The following GRIK4 variants were observed in gnomAD, a reference collection of about 807,000 sequenced individuals.
GRIK4 encodes the protein glutamate ionotropic receptor kainate type subunit 4.
A neutral mutation model predicts 104.9 loss-of-function variants in GRIK4; 40 were observed. That is an observed-to-expected ratio of 0.38 (90% CI 0.30 to 0.50). The LOEUF is 0.50. GRIK4 is among the 20% of genes least tolerant of loss of function. The pLI, the probability that GRIK4 is intolerant of heterozygous loss-of-function variation, is 0.93. For missense variants in GRIK4, 1,047 were observed against 1,308.1 expected (o/e 0.80, Z 3.08); for synonymous variants, 485 against 524.9 (o/e 0.92, Z 1.04).
Position 120,819,734 on chromosome 11 carries a change from C to G in GRIK4, c.346-21C>G, listed in dbSNP as rs1437388008. 6.2e-7 allele frequency: 1 copy of G among 1,613,034 alleles called. No homozygotes were observed. Among genetic ancestry groups the G allele is most frequent in the Admixed American group, 1.7e-5 (1 of 60,020 alleles). ...ACCCACCTGGATCCTCCCTGCTGTC[C>G]GTTTTTGCTCCTCTTGCCAGGTCCC... On this transcript the variant is annotated intron_variant, in intron 5 of 20. Coordinates refer to ENST00000527524, the MANE Select transcript of GRIK4 (RefSeq NM_014619.5). This position sits in a 1 kb window ranked among gnomAD's most constrained non-coding sequence, Gnocchi z 4.3.
chr11:120,574,851 C>T (rs1396065070), intron 1 of GRIK4, among the ~76,000 whole-genome samples: 1 of 152,144 alleles, frequency 6.6e-6, no homozygotes, highest in Non-Finnish European at 1.5e-5. Context: ...ACCCAGGCAT[C>T]TCTGTTTAAT....
At chr11:120,703,780 G>A (rs911761029) in intron 3 of GRIK4, among the ~76,000 whole-genome samples, 3 of 152,126 alleles carry the variant, frequency 2.0e-5, no homozygotes, top group African/African-American at 4.8e-5. Context: ...TTGTGTCTGT[G>A]TGCTGCTTTC....
At position 120,986,097 on chromosome 11, in the gene GRIK4, A is replaced by C; in HGVS notation, c.2708A>C (p.Gln903Pro). The change falls in exon 21 of 21, where the codon CAG (glutamine) becomes CCG (proline). Residue 903 changes from glutamine (Q) to proline (P), a missense_variant. By Grantham distance (76) the Gln-to-Pro change is moderately conservative (BLOSUM62 -1). Around this residue, in one of 3 missense-constraint regions of GRIK4, gnomAD observed 160 missense variants for 140.9 expected, o/e 1.14. Coordinates refer to ENST00000527524, the MANE Select transcript of GRIK4 (RefSeq NM_014619.5). ...GCAGGGGAGCCCGACCAGCTCGCGC[A>C]GAGACTGGCGCAGGAGGCCGCCCTG... ...CGAGEPDQLA[Q>P]RLAQEAALVA... The C allele has an allele frequency of 6.6e-7, 1 of 1,512,910 alleles. No homozygotes were observed. The highest frequency in any genetic ancestry group is 8.8e-7 in the Non-Finnish European group (1 of 1,137,448). 93.7% of individuals were successfully genotyped at this position (1,512,910 alleles called of 1,614,324 possible). A position where few individuals can be genotyped will look rare whatever the true frequency, so the allele number is the denominator to read the frequency against.
At chr11:120,651,840 C>T (rs1283314894) in intron 1 of GRIK4, among the ~76,000 whole-genome samples, 1 of 152,232 alleles carries the variant, frequency 6.6e-6, no homozygotes, top group East Asian at 1.9e-4. Context: ...CCTTATTCAG[C>T]AAGATGTGCA....
chr11:120,872,083 C>T (rs1954625291), intron 9 of GRIK4: 1 of 366,462 alleles, frequency 2.7e-6, no homozygotes, highest in Non-Finnish European at 5.4e-6. Flanking sequence ...GCTTCCTGAG[C>T]ACCTGCTAAC....
At chr11:120,883,530 G>A (rs1955027856) in intron 11 of GRIK4, among the ~76,000 whole-genome samples, 3 of 152,224 alleles carry the variant, frequency 2.0e-5, no homozygotes, top group Admixed American at 1.3e-4. Flanking sequence ...CAACGGTCAA[G>A]GGGCAGATGA....
At chr11:120,697,998 C>A (rs1431128758) in intron 3 of GRIK4, among the ~76,000 whole-genome samples, 1 of 151,970 alleles carries the variant, frequency 6.6e-6, no homozygotes, top group Non-Finnish European at 1.5e-5. Context: ...GGTGGGGTGG[C>A]GTGGTTTGGC....
chr11:120,515,919 G>A (rs1055429345), intron 1 of GRIK4, among the ~76,000 whole-genome samples: 4 of 152,156 alleles, frequency 2.6e-5, no homozygotes, highest in Non-Finnish European at 4.4e-5. Flanking sequence ...GCTACCCGGC[G>A]AGTTAGCTGT....
intron 1 of GRIK4, among the ~76,000 whole-genome samples, chr11:120,578,546 C>G (rs1048188916): frequency 6.6e-6 from 1 of 152,208 alleles, no homozygotes; most frequent in Non-Finnish European, 1.5e-5. Context: ...TACAGGGCAT[C>G]CAGTAAGTCC....
chr11:120,919,612 C>A (rs558685892), intron 13 of GRIK4, among the ~76,000 whole-genome samples: 78 of 152,248 alleles, frequency 5.1e-4, no homozygotes, highest in African/African-American at 1.8e-3. Context: ...ACCACTGATT[C>A]CCAATGCTGC....
chr11:120,695,632 C>T (rs901241791), intron 3 of GRIK4, among the ~76,000 whole-genome samples: 2 of 148,738 alleles, frequency 1.3e-5, no homozygotes, highest in South Asian at 4.5e-4. Context: ...ACGGCCGCCA[C>T]GGGTGGGAGG....
At chr11:120,711,902 A>G (rs1950741462) in intron 3 of GRIK4, among the ~76,000 whole-genome samples, 1 of 152,206 alleles carries the variant, frequency 6.6e-6, no homozygotes, top group South Asian at 2.1e-4. Flanking sequence ...CTAGCAACTG[A>G]ATCCTACCCA....
chr11:120,938,774 G>A (rs1042977138), intron 13 of GRIK4, among the ~76,000 whole-genome samples: 10 of 152,120 alleles, frequency 6.6e-5, no homozygotes, highest in Admixed American at 5.2e-4. Flanking sequence ...GAGATACAGC[G>A]CCCAGGTCAT....
chr11:120,613,509 G>A (rs2135151479), intron 1 of GRIK4, among the ~76,000 whole-genome samples: 1 of 152,332 alleles, frequency 6.6e-6, no homozygotes, highest in South Asian at 2.1e-4. Context: ...ATAGCACTGG[G>A]GGGATTGACC....
intron 3 of GRIK4, among the ~76,000 whole-genome samples, chr11:120,741,255 C>A (rs1951325986): frequency 6.7e-6 from 1 of 149,922 alleles, no homozygotes; most frequent in Non-Finnish European, 1.5e-5. Context: ...TGAGAAGTGG[C>A]AGAACAGGCC....
intron 13 of GRIK4, among the ~76,000 whole-genome samples, chr11:120,914,541 G>C (rs1281326422): frequency 6.6e-6 from 1 of 152,184 alleles, no homozygotes; most frequent in East Asian, 1.9e-4. Flanking sequence ...GGATCAAGAA[G>C]GATCGCCTTG....
intron 6 of GRIK4, among the ~76,000 whole-genome samples, chr11:120,828,976 A>G (rs1217232636): frequency 2.6e-5 from 4 of 152,186 alleles, no homozygotes; most frequent in Admixed American, 2.0e-4. Flanking sequence ...AGGCAGCACC[A>G]TGCTATGCAT....
rs781772884 is a variant in GRIK4 at position 120,962,578 on chromosome 11, C to G, written c.2163C>G (p.Leu721=). The change falls in exon 18 of 21, where the codon CTC becomes CTG. Residue 721 remains leucine (L), a synonymous_variant. Transcript: ENST00000527524. ...TGTTGAATTCCAACTACGCCTTCCT[C>G]CTGGAATCCACCATGAACGAGTACT... ...ARVLNSNYAF[L]LESTMNEYYR... 1.2e-6 allele frequency: 2 copies of G among 1,614,056 alleles called. No individual in the cohort carries two copies. Among genetic ancestry groups the G allele is most frequent in the Non-Finnish European group, 1.7e-6 (2 of 1,179,910 alleles).
intron 1 of GRIK4, among the ~76,000 whole-genome samples, chr11:120,533,876 C>G (rs1591679081): frequency 6.6e-6 from 1 of 152,132 alleles, no homozygotes; most frequent in Middle Eastern, 3.4e-3. Context: ...GACTGTGTCT[C>G]AAAACAAAAA....
Sources: gnomAD v4.1 joint callset for allele counts (sites outside exome capture counted in the v4.1 genomes callset) on GRCh38, gnomAD v4.1.1 for gene constraint, gnomAD v4.1.1 regional missense constraint, Gnocchi (gnomAD v3.1) non-coding constraint, MANE v1.5 for transcripts, NCBI Gene and HGNC (gene_info 2026-07-23, HGNC 2026-07-21) for gene names.